KDM4B: variants seen among roughly 807,000 people sequenced by gnomAD.
The protein encoded by KDM4B is lysine-specific demethylase 4B.
KDM4B carries 32 observed loss-of-function variants against 125.2 expected under a neutral mutation model. The ratio of observed to expected loss-of-function variants is 0.26; its 90% CI spans 0.19 to 0.34. The LOEUF is 0.34. Ranked by LOEUF, KDM4B falls within the 10% of genes least tolerant of loss-of-function variation. The pLI is 1.00. For synonymous variants in KDM4B, 721 were observed against 677.9 expected, an observed-to-expected ratio of 1.06 and a Z score of -0.99; for missense variants, 1,190 against 1,577.7, an observed-to-expected ratio of 0.75 and a Z score of 4.16.
At chr19:4,977,400 G>A (rs1024497736) in intron 1 of KDM4B, among the ~76,000 whole-genome samples, 36 of 152,326 alleles carry the variant, frequency 2.4e-4, no homozygotes, top group Middle Eastern at 6.8e-3. Context: ...CGCGACCACC[G>A]TTGTGTTTTT....
At chr19:5,112,506 G>A (rs1176048776) in intron 10 of KDM4B, 2 of 152,300 alleles carry the variant, frequency 1.3e-5, no homozygotes, top group East Asian at 3.9e-4. Context: ...CAAGGTTGGG[G>A]GCGGCTCAGC....
intron 2 of KDM4B, among the ~76,000 whole-genome samples, chr19:5,022,430 C>T (rs746290601): frequency 9.2e-5 from 14 of 152,096 alleles, no homozygotes; most frequent in Non-Finnish European, 1.3e-4. Context: ...GAGGCTGGTC[C>T]GTCTGCTTGT....
chr19:5,001,531 T>C (rs1267893762), intron 1 of KDM4B, among the ~76,000 whole-genome samples: 1 of 152,226 alleles, frequency 6.6e-6, no homozygotes, highest in African/African-American at 2.4e-5. Flanking sequence ...GGTGGCGAAC[T>C]GTGCTGCCGT....
intron 9 of KDM4B, among the ~76,000 whole-genome samples, chr19:5,084,524 T>C (rs1356288828): frequency 5.2e-5 from 3 of 57,610 alleles, no homozygotes; most frequent in Non-Finnish European, 9.5e-5. Context: ...ATATAAATTA[T>C]ATATGTTATT....
chr19:5,150,517 C>G, intron 22 of KDM4B, 67 bp downstream of exon 22: 1 of 1,183,602 alleles, frequency 8.4e-7, no homozygotes. Context: ...CGAGGCAGGG[C>G]ACAGACTGCG....
intron 11 of KDM4B, among the ~76,000 whole-genome samples, chr19:5,121,357 C>T (rs1384836389): frequency 6.6e-6 from 1 of 152,158 alleles, no homozygotes; most frequent in African/African-American, 2.4e-5. Context: ...AGAGGCAAGA[C>T]GAGGACAGAA....
chr19:5,036,686 T>C (rs779654575), intron 3 of KDM4B, among the ~76,000 whole-genome samples: 8 of 152,248 alleles, frequency 5.3e-5, no homozygotes, highest in Non-Finnish European at 1.2e-4. Flanking sequence ...TGTGAGGCAC[T>C]TTCAGGGGCC....
intron 12 of KDM4B, 98 bp downstream of exon 12, chr19:5,131,643 G>GGCAGGGAGGAGA (rs2039556811): frequency 2.0e-6 from 1 of 506,080 alleles, no homozygotes; most frequent in African/African-American, 4.4e-5. Flanking sequence ...TGGCGGGGGA[G>GGCAGGGAGGAGA]GGGGCAGGGA....
intron 2 of KDM4B, among the ~76,000 whole-genome samples, chr19:5,018,421 A>T (rs2035959338): frequency 6.6e-6 from 1 of 152,198 alleles, no homozygotes; most frequent in Admixed American, 6.5e-5. Context: ...CGGGGAGAGC[A>T]CAGGAGACAG....
chr19:4,991,530 C>T (rs888425855), intron 1 of KDM4B, among the ~76,000 whole-genome samples: 4 of 152,236 alleles, frequency 2.6e-5, no homozygotes, highest in Admixed American at 6.5e-5. Flanking sequence ...CTTCACCCTG[C>T]TGTCTCCAGT....
rs1489916668 is a variant in KDM4B, at chr19:4,971,143, C to T, written c.-109+1913C>T. Among the ~76,000 whole-genome samples the T allele has an allele frequency of 1.3e-5, 2 of 152,140 alleles. No homozygotes were observed. Among genetic ancestry groups the T allele is most frequent in the Non-Finnish European group, 2.9e-5 (2 of 68,016 alleles). On this transcript the variant is annotated intron_variant, in intron 1 of 22. Transcript: ENST00000159111. The surrounding 1 kb of genome is among the most constrained non-coding windows in gnomAD (Gnocchi z 4.1). ...ATGTCTTAGTAACAATCCGTTTGCT[C>T]GCATTTTCTAACCCTTTCCTCTTTG... is the stretch of plus-strand genomic sequence containing the variant.
chr19:5,135,568 G>A lies in KDM4B; in HGVS notation c.2308+7G>A. On this transcript the variant is annotated splice_region_variant and intron_variant, in intron 15 of 22. Coordinates refer to ENST00000159111, the MANE Select transcript of KDM4B (RefSeq NM_015015.3). ...TGCCTGCAGGTCCATGCCAGTGAGT[G>A]CCACTGTGGGGCCCAGAGGAGCTGC... The A allele has an allele frequency of 8.8e-6, 14 of 1,582,716 alleles. No individual in the cohort carries two copies. The highest frequency in any genetic ancestry group is 1.2e-5 in the Non-Finnish European group (14 of 1,167,110).
At chr19:5,026,784 T>G (rs560962699) in intron 2 of KDM4B, among the ~76,000 whole-genome samples, 1 of 152,332 alleles carries the variant, frequency 6.6e-6, no homozygotes, top group Non-Finnish European at 1.5e-5. Flanking sequence ...TTGTAAAAAC[T>G]TACTGGCATG....
At chr19:5,121,423 G>A (rs2039359108) in intron 11 of KDM4B, among the ~76,000 whole-genome samples, 1 of 152,190 alleles carries the variant, frequency 6.6e-6, no homozygotes, top group African/African-American at 2.4e-5. Context: ...TTATTATGTA[G>A]CGACAATTCT....
chr19:5,057,576 A>G (rs1471882784), intron 6 of KDM4B, among the ~76,000 whole-genome samples: 4 of 152,162 alleles, frequency 2.6e-5, no homozygotes, highest in East Asian at 3.9e-4. Flanking sequence ...TGCATTTATG[A>G]TGTTCCGTTC....
chr19:5,086,597 G>A (rs572470400), intron 9 of KDM4B, among the ~76,000 whole-genome samples: 10 of 152,220 alleles, frequency 6.6e-5, no homozygotes, highest in South Asian at 2.1e-4. Flanking sequence ...CTGTCTCCCC[G>A]TCTACAGATG....
At position 5,086,351 on chromosome 19, in the gene KDM4B, C is replaced by T. The variant is rs115748843; in HGVS notation, c.918+3847C>T. On this transcript the variant is annotated intron_variant, in intron 9 of 22. Transcript: ENST00000159111. ...CGGATCTGGTAGGCCGACGCTGTGC[C>T]GTCTGCAAACTGAGCAGGGGGTTTA... Among the ~76,000 whole-genome samples, 409 of 152,256 alleles carry T rather than the reference C, an allele frequency of 2.7e-3. 2 individuals carry two copies. The highest frequency in any genetic ancestry group is 9.3e-3 in the African/African-American group (386 of 41,544).
At chr19:5,083,399 A>T (rs1411649789) in intron 9 of KDM4B, among the ~76,000 whole-genome samples, 1 of 152,146 alleles carries the variant, frequency 6.6e-6, no homozygotes, top group Non-Finnish European at 1.5e-5. Context: ...ATGAATCCTA[A>T]GCCTCAGAAA....
intron 1 of KDM4B, among the ~76,000 whole-genome samples, chr19:5,010,419 C>T (rs2035692133): frequency 6.6e-6 from 1 of 152,190 alleles, no homozygotes; most frequent in Admixed American, 6.5e-5. Flanking sequence ...AGTTTCTCCA[C>T]TGCAAAGTTA....
Sources: gnomAD v4.1 joint callset for allele counts (sites outside exome capture counted in the v4.1 genomes callset) on GRCh38, gnomAD v4.1.1 for gene constraint, Gnocchi (gnomAD v3.1) non-coding constraint, MANE v1.5 for transcripts, NCBI Gene and HGNC (gene_info 2026-07-23, HGNC 2026-07-21) for gene names.